SEMA3A: variants seen among roughly 807,000 people sequenced by gnomAD.
SEMA3A encodes the protein semaphorin-3A.
In SEMA3A, 29 loss-of-function variants were observed where a neutral mutation model predicts 97.9. The observed-to-expected ratio is 0.30, with a 90% confidence interval of 0.22 to 0.40. SEMA3A has a LOEUF of 0.40. Among genes scored for constraint, SEMA3A ranks in the 10% least tolerant of loss-of-function variants. The pLI, the probability that SEMA3A is intolerant of heterozygous loss-of-function variation, is 1.00. For missense variants in SEMA3A, 763 were observed against 951.3 expected, an observed-to-expected ratio of 0.80 and a Z score of 2.60; for synonymous variants, 321 against 323.7, an observed-to-expected ratio of 0.99 and a Z score of 0.09.
intron 1 of SEMA3A, among the ~76,000 whole-genome samples, chr7:84,437,752 C>T (rs956295310): frequency 1.3e-5 from 2 of 151,714 alleles, no homozygotes; most frequent in African/African-American, 4.8e-5. Flanking sequence ...AGAATGAATG[C>T]AAATATTTAA....
chr7:83,990,594 G>A (rs561479161), intron 12 of SEMA3A, among the ~76,000 whole-genome samples: 9 of 106,722 alleles, frequency 8.4e-5, no homozygotes, highest in South Asian at 3.2e-4. Flanking sequence ...CCCATTGCTT[G>A]TTTTTCTCAG....
intron 2 of SEMA3A, among the ~76,000 whole-genome samples, chr7:84,340,560 C>A (rs1802139380): frequency 6.6e-6 from 1 of 151,998 alleles, no homozygotes; most frequent in Non-Finnish European, 1.5e-5. Flanking sequence ...AGGTGGATCA[C>A]CTGAGGTCAG....
At chr7:84,452,960 C>T (rs1421773677) in intron 1 of SEMA3A, among the ~76,000 whole-genome samples, 1 of 152,122 alleles carries the variant, frequency 6.6e-6, no homozygotes, top group African/African-American at 2.4e-5. Flanking sequence ...AGTCTTTCCC[C>T]TTCTTTTTAA....
At chr7:84,405,815 A>T (rs1292461738) in intron 1 of SEMA3A, among the ~76,000 whole-genome samples, 1 of 152,192 alleles carries the variant, frequency 6.6e-6, no homozygotes, top group African/African-American at 2.4e-5. Flanking sequence ...ACATAACAAA[A>T]TGAAGGCAGA....
At chr7:84,377,486 G>A (rs781105659) in intron 1 of SEMA3A, among the ~76,000 whole-genome samples, 7 of 152,114 alleles carry the variant, frequency 4.6e-5, no homozygotes, top group Non-Finnish European at 1.0e-4. Flanking sequence ...CCAGCACTAT[G>A]CTGTTTGGGT....
intron 12 of SEMA3A, among the ~76,000 whole-genome samples, chr7:83,988,616 T>C (rs2116339006): frequency 6.6e-6 from 1 of 152,176 alleles, no homozygotes; most frequent in South Asian, 2.1e-4. Flanking sequence ...ATGAAACAAA[T>C]GATTTAGGAG....
intron 9 of SEMA3A, among the ~76,000 whole-genome samples, chr7:84,008,339 A>AAATT (rs1790748347): frequency 6.6e-6 from 1 of 151,974 alleles, no homozygotes; most frequent in East Asian, 1.9e-4. Context: ...AAAATACAAA[A>AAATT]AATTAGCCAG....
At chr7:84,226,914 C>G (rs1288062748) in intron 3 of SEMA3A, among the ~76,000 whole-genome samples, 1 of 151,954 alleles carries the variant, frequency 6.6e-6, no homozygotes, top group Non-Finnish European at 1.5e-5. Flanking sequence ...ATTAAAAACC[C>G]TCTGTGCATT....
intron 14 of SEMA3A, among the ~76,000 whole-genome samples, chr7:83,977,944 C>T (rs1283107600): frequency 6.6e-6 from 1 of 151,952 alleles, no homozygotes; most frequent in East Asian, 2.0e-4. Flanking sequence ...GCTGGGACTA[C>T]AGGCAGCCGC....
At chr7:84,411,324 G>A (rs1804258622) in intron 1 of SEMA3A, among the ~76,000 whole-genome samples, 1 of 152,048 alleles carries the variant, frequency 6.6e-6, no homozygotes, top group Admixed American at 6.6e-5. Flanking sequence ...ACAGTCATTG[G>A]AGCATAAACT....
intron 1 of SEMA3A, among the ~76,000 whole-genome samples, chr7:84,396,806 C>T (rs1803746542): frequency 6.6e-6 from 1 of 151,878 alleles, no homozygotes; most frequent in African/African-American, 2.4e-5. Context: ...TCAAAAAAAT[C>T]ACCTAGGACC....
intron 1 of SEMA3A, among the ~76,000 whole-genome samples, chr7:84,174,880 C>A (rs1284099578): frequency 1.3e-5 from 2 of 152,108 alleles, no homozygotes; most frequent in African/African-American, 2.4e-5. Flanking sequence ...TTGTTAAATT[C>A]TTGGAAACAT....
chr7:84,410,378 C>G (rs1334156738), intron 1 of SEMA3A, among the ~76,000 whole-genome samples: 2 of 152,110 alleles, frequency 1.3e-5, no homozygotes, highest in Non-Finnish European at 1.5e-5. Flanking sequence ...ATGTCAGCCT[C>G]ATGCCTACAT....
At chr7:84,351,588 A>T (rs1187457293) in intron 2 of SEMA3A, among the ~76,000 whole-genome samples, 1 of 152,146 alleles carries the variant, frequency 6.6e-6, no homozygotes, top group African/African-American at 2.4e-5. Context: ...TCAAAAGAAG[A>T]TATAAAAATG....
At chr7:83,983,612 A>C (rs532434765) in intron 13 of SEMA3A, among the ~76,000 whole-genome samples, 13 of 152,174 alleles carry the variant, frequency 8.5e-5, no homozygotes, top group Non-Finnish European at 1.8e-4. Context: ...TGAAAACCTG[A>C]ACTGTGATAA....
intron 1 of SEMA3A, among the ~76,000 whole-genome samples, chr7:84,181,145 T>G (rs2116236284): frequency 6.6e-6 from 1 of 152,132 alleles, no homozygotes; most frequent in Admixed American, 6.5e-5. Flanking sequence ...CCTCAAATTT[T>G]GTATATGTGT....
intron 1 of SEMA3A, among the ~76,000 whole-genome samples, chr7:84,482,590 T>C (rs949455755): frequency 6.6e-6 from 1 of 152,176 alleles, no homozygotes; most frequent in African/African-American, 2.4e-5. Context: ...CAAGGTGTTA[T>C]TTGTCCATTA....
chr7:84,285,476 CTT>C (rs139992276), intron 3 of SEMA3A, among the ~76,000 whole-genome samples: 2,663 of 152,170 alleles, frequency 0.018, 76 homozygotes, highest in African/African-American at 0.061. Context: ...TAATAGAAAA[CTT>C]ATTATATTTC....
intron 3 of SEMA3A, among the ~76,000 whole-genome samples, chr7:84,271,479 T>A (rs1800151787): frequency 6.6e-6 from 1 of 152,126 alleles, no homozygotes; most frequent in African/African-American, 2.4e-5. Context: ...ACTATTACAA[T>A]ATCTGGACAA....
Sources: gnomAD v4.1 joint callset for allele counts (sites outside exome capture counted in the v4.1 genomes callset) on GRCh38, gnomAD v4.1.1 for gene constraint, MANE v1.5 for transcripts, NCBI Gene and HGNC (gene_info 2026-07-23, HGNC 2026-07-21) for gene names.